The following SPATA13 variants were observed in gnomAD, a reference collection of about 807,000 sequenced individuals.
SPATA13 encodes the protein spermatogenesis associated 13.
Under a neutral mutation model 104.0 loss-of-function variants are expected in SPATA13, and 50 were observed. The ratio of observed to expected loss-of-function variants is 0.48; its 90% CI spans 0.38 to 0.61. The LOEUF is 0.61. Among genes scored for constraint, SPATA13 ranks in the 20% least tolerant of loss-of-function variants. The probability of loss-of-function intolerance (pLI) is 0.00; values close to 1 mark genes in which losing one functional copy is unlikely to be tolerated. For synonymous variants in SPATA13, 606 were observed against 667.5 expected (o/e 0.91, Z 1.42); for missense variants, 1,524 against 1,690.6 (o/e 0.90, Z 1.73).
intron 2 of SPATA13, among the ~76,000 whole-genome samples, chr13:24,227,179 G>A (rs772327922): frequency 2.6e-5 from 4 of 152,144 alleles, no homozygotes; most frequent in Admixed American, 6.6e-5. Flanking sequence ...TGCGCCACTC[G>A]TAGTTTGTAA....
chr13:24,272,180 T>G (rs1566183540), intron 4 of SPATA13, among the ~76,000 whole-genome samples: 1 of 151,218 alleles, frequency 6.6e-6, no homozygotes, highest in Non-Finnish European at 1.5e-5. Context: ...CGGGCAGGGG[T>G]GGGGGGCAGG....
chr13:24,259,489 T>C (rs1177644096), intron 4 of SPATA13, among the ~76,000 whole-genome samples: 1 of 152,244 alleles, frequency 6.6e-6, no homozygotes, highest in African/African-American at 2.4e-5. Flanking sequence ...CAAAGTACAA[T>C]TGGGGATTAT....
chr13:24,122,411 C>A lies in SPATA13; in HGVS notation c.-111-100408C>A. ...GTGGAATAGCCTTCCAGAGCAGTCT[C>A]TTCCGCATCATCTTCTTACCAGTCT... On this transcript the variant is annotated intron_variant, in intron 3 of 14. Transcript: ENST00000424834. 8 of 1,587,984 alleles carry A rather than the reference C, an allele frequency of 5.0e-6. No homozygotes were observed. In the South Asian group the frequency reaches 6.6e-5, roughly 13 times the overall value.
chr13:24,224,873 G>C lies in SPATA13; in HGVS notation c.1653+291G>C, dbSNP rs144140946. 222 of 463,434 alleles carry C rather than the reference G, an allele frequency of 4.8e-4. 1 individual carries two copies. The East Asian group carries it at 9.5e-3, about 20-fold the overall frequency. 28.7% of individuals were successfully genotyped at this position (463,434 alleles called of 1,614,324 possible). A position where few individuals can be genotyped will look rare whatever the true frequency, so the allele number is the denominator to read the frequency against. On this transcript the variant is annotated intron_variant, in intron 2 of 12. Coordinates refer to ENST00000382108, the MANE Select transcript of SPATA13 (RefSeq NM_001166271.3). ...GAACATGTACCAGGTACTAGATTCT[G>C]GGGGAAAAAAATAAGTTGTAAACAA...
rs1330122022 is a variant in SPATA13, at chr13:24,223,165, G to C, written c.236G>C (p.Ser79Thr). The change falls in exon 2 of 13, where the codon AGT (serine) becomes ACT (threonine). Residue 79 changes from serine to threonine, a missense_variant. By Grantham distance (58) the Ser-to-Thr change is moderately conservative. This residue lies in a region of SPATA13 where 1,089 missense variants were observed against 1,135.9 expected (regional missense o/e 0.96). Coordinates refer to ENST00000382108, the MANE Select transcript of SPATA13 (RefSeq NM_001166271.3). ...PAKLVRLFST[S>T]RKRTGAHPER... The stretch of plus-strand genomic sequence containing the variant: ...AAGCTTGTGCGCCTCTTTTCCACCA[G>C]TCGGAAGAGGACGGGTGCCCACCCC... The C allele has an allele frequency of 6.4e-7, 1 of 1,551,708 alleles. No individual in the cohort carries two copies. Among genetic ancestry groups the C allele is most frequent in the Admixed American group, 2.0e-5 (1 of 50,992 alleles).
chr13:24,214,763 T>C (rs1871193361), intron 1 of SPATA13, among the ~76,000 whole-genome samples: 1 of 152,228 alleles, frequency 6.6e-6, no homozygotes, highest in African/African-American at 2.4e-5. Context: ...TCCCATTTGC[T>C]TCTGCCTTGT....
intron 3 of SPATA13, among the ~76,000 whole-genome samples, chr13:24,087,238 G>T (rs1448440205): frequency 6.6e-6 from 1 of 152,168 alleles, no homozygotes; most frequent in African/African-American, 2.4e-5. Flanking sequence ...GAGGCCCCAA[G>T]ACAAGGGGCC....
At chr13:24,182,069 C>T (rs997102970) in intron 1 of SPATA13, among the ~76,000 whole-genome samples, 7 of 152,176 alleles carry the variant, frequency 4.6e-5, no homozygotes, top group African/African-American at 1.7e-4. Context: ...TATTAAACTA[C>T]TTGTGGAAAA....
At chr13:24,295,467 C>T (rs1876703337) in intron 10 of SPATA13, among the ~76,000 whole-genome samples, 1 of 152,056 alleles carries the variant, frequency 6.6e-6, no homozygotes, top group African/African-American at 2.4e-5. Flanking sequence ...AAAAAATCAG[C>T]CAGGCATGGT....
intron 4 of SPATA13, among the ~76,000 whole-genome samples, chr13:24,269,246 A>G (rs543634206): frequency 1.3e-5 from 2 of 152,240 alleles, no homozygotes; most frequent in Admixed American, 1.3e-4. Flanking sequence ...AGACTTGGAA[A>G]CTTTCCCTAA....
chr13:24,149,939 G>A (rs1555264573), intron 3 of SPATA13, among the ~76,000 whole-genome samples: 2 of 152,092 alleles, frequency 1.3e-5, no homozygotes, highest in Non-Finnish European at 2.9e-5. Context: ...GCATCCAGGG[G>A]CTGTCGGGGA....
rs376961900 is a variant in SPATA13 at position 24,057,151 on chromosome 13, T to C, written c.-112+39450T>C. ...AATGTGCAGGTTTGTTACATATGTA[T>C]ACATGTGCCATGCTGGTGCGCTGCA... is the stretch of plus-strand genomic sequence containing the variant. On this transcript the variant is annotated intron_variant, in intron 3 of 14. Transcript: ENST00000424834. 1.4e-4 allele frequency among the ~76,000 whole-genome samples: 21 copies of C among 152,100 alleles called. No individual in the cohort carries two copies. The East Asian group carries it at 3.5e-3, about 25-fold the overall frequency.
intron 3 of SPATA13, among the ~76,000 whole-genome samples, chr13:24,079,326 T>C (rs566430763): frequency 6.6e-5 from 10 of 152,278 alleles, no homozygotes; most frequent in Non-Finnish European, 1.3e-4. Flanking sequence ...GGGAAACTGT[T>C]GAATGAGGTG....
At chr13:24,132,738 C>G (rs1881426299) in intron 3 of SPATA13, among the ~76,000 whole-genome samples, 1 of 152,072 alleles carries the variant, frequency 6.6e-6, no homozygotes, top group South Asian at 2.1e-4. Context: ...CTTTGGGAGG[C>G]CAAGGCAGGT....
chr13:24,272,758 G>C (rs867283255), intron 4 of SPATA13: 1 of 152,254 alleles, frequency 6.6e-6, no homozygotes, highest in Non-Finnish European at 1.5e-5. Context: ...CCGCAACTTG[G>C]GGAAAGTTAC....
At chr13:24,217,501 T>C (rs1871320870) in intron 1 of SPATA13, among the ~76,000 whole-genome samples, 1 of 152,132 alleles carries the variant, frequency 6.6e-6, no homozygotes, top group Non-Finnish European at 1.5e-5. Flanking sequence ...CACAGTGAAA[T>C]AAGACAAGGC....
rs138197496 is a variant in SPATA13, at chr13:24,235,172, G to A, written c.1653+10590G>A. ...AATTATGTACTTCTAAGTTATAGCC[G>A]GAGCAAAGACCTCGCCCTGAGTTAC... On this transcript the variant is annotated intron_variant, in intron 2 of 12. Transcript: ENST00000382108. 1.3e-4 allele frequency among the ~76,000 whole-genome samples: 20 copies of A among 152,234 alleles called. No individual in the cohort carries two copies. The East Asian group carries it at 2.9e-3, about 22-fold the overall frequency.
At position 24,284,268 on chromosome 13, in the gene SPATA13, T is replaced by C; in HGVS notation, c.2298T>C (p.Asn766=). The change falls in exon 5 of 13, where the codon AAT becomes AAC. Residue 766 remains asparagine, a synonymous_variant. Coordinates refer to ENST00000382108, the MANE Select transcript of SPATA13 (RefSeq NM_001166271.3). Reference sequence around the variant, plus strand: ...CCGGCGGGGAGCAGCTGGCCATCAATGAGGTACTGGAATTCCACACGACAG... The same window carrying C: ...CCGGCGGGGAGCAGCTGGCCATCAACGAGGTACTGGAATTCCACACGACAG... ...LQPGGEQLAI[N]ELISDGNVVC... is the part of the protein sequence containing the mutation. 1 of 1,613,340 alleles carries C rather than the reference T, an allele frequency of 6.2e-7. No individual in the cohort carries two copies. The highest frequency in any genetic ancestry group is 1.7e-4 in the Middle Eastern group (1 of 5,896).
intron 3 of SPATA13, among the ~76,000 whole-genome samples, chr13:24,031,395 A>G (rs1461766012): frequency 6.6e-6 from 1 of 152,228 alleles, no homozygotes; most frequent in Non-Finnish European, 1.5e-5. Context: ...CTTCCAATGT[A>G]TTAGTTCACA....
Sources: gnomAD v4.1 joint callset for allele counts (sites outside exome capture counted in the v4.1 genomes callset) on GRCh38, gnomAD v4.1.1 for gene constraint, gnomAD v4.1.1 regional missense constraint, MANE v1.5 for transcripts, NCBI Gene and HGNC (gene_info 2026-07-23, HGNC 2026-07-21) for gene names.